Variants in CDH13 observed in about 807,000 individuals in gnomAD.
CDH13 encodes the protein cadherin-13.
In CDH13, 24 loss-of-function variants were observed where a neutral mutation model predicts 63.8. The observed-to-expected ratio is 0.38, with a 90% CI of 0.27 to 0.53. CDH13 has a LOEUF of 0.53. Among genes scored for constraint, CDH13 ranks in the 20% least tolerant of loss-of-function variants. The pLI is 0.85. For synonymous variants in CDH13, 503 were observed against 355.3 expected (o/e 1.42, Z -4.67); for missense variants, 1,049 against 903.1 (o/e 1.16, Z -2.07).
chr16:82,787,923 A>C (rs75075082), intron 1 of CDH13, among the ~76,000 whole-genome samples: 7,849 of 146,590 alleles, frequency 0.054, 258 homozygotes, highest in Middle Eastern at 0.11. Context: ...AGGCTGACTC[A>C]CAACTCCTGG....
intron 7 of CDH13, among the ~76,000 whole-genome samples, chr16:83,515,776 AGCAAAGC>A (rs1301938250): frequency 2.6e-5 from 4 of 152,238 alleles, no homozygotes; most frequent in African/African-American, 9.6e-5. Flanking sequence ...AAACACACCA[AGCAAAGC>A]GTTCATTTTG....
chr16:83,613,974 C>T (rs191071261), intron 8 of CDH13, among the ~76,000 whole-genome samples: 82 of 152,110 alleles, frequency 5.4e-4, no homozygotes, highest in African/African-American at 1.7e-3. Flanking sequence ...AAATTATTTA[C>T]AATTCAATGT....
intron 7 of CDH13, among the ~76,000 whole-genome samples, chr16:83,595,556 A>G (rs1296257795): frequency 6.6e-6 from 1 of 152,230 alleles, no homozygotes; most frequent in African/African-American, 2.4e-5. Flanking sequence ...TCTTGCTCAC[A>G]TCACAGTCTA....
chr16:82,902,295 G>C (rs1173860648), intron 2 of CDH13, among the ~76,000 whole-genome samples: 1 of 151,888 alleles, frequency 6.6e-6, no homozygotes, highest in Non-Finnish European at 1.5e-5. Context: ...AAAACTACTG[G>C]GGAGAAAGCT....
At chr16:83,277,664 C>G (rs1559440) in intron 5 of CDH13, among the ~76,000 whole-genome samples, 146,298 of 152,284 alleles carry the variant, frequency 0.96, 70,523 homozygotes, top group East Asian at 1. Context: ...GAACCAGACT[C>G]AAAGTAGCAG....
At chr16:83,681,236 A>C (rs1915379728) in intron 10 of CDH13, among the ~76,000 whole-genome samples, 1 of 152,130 alleles carries the variant, frequency 6.6e-6, no homozygotes, top group South Asian at 2.1e-4. Flanking sequence ...AATGCTGTGT[A>C]ATCAGGAACC....
chr16:83,153,089 C>T (rs926200671), intron 4 of CDH13, among the ~76,000 whole-genome samples: 1 of 152,178 alleles, frequency 6.6e-6, no homozygotes, highest in South Asian at 2.1e-4. Context: ...AAAAGTAATT[C>T]ATGCAGAGCC....
intron 5 of CDH13, among the ~76,000 whole-genome samples, chr16:83,235,575 T>G (rs1448426180): frequency 1.3e-5 from 1 of 78,470 alleles, no homozygotes; most frequent in East Asian, 3.8e-4. Flanking sequence ...TTATTCTATG[T>G]GGTGGTGTTT....
chr16:83,730,339 A>G (rs1208539761), intron 10 of CDH13, among the ~76,000 whole-genome samples: 1 of 152,224 alleles, frequency 6.6e-6, no homozygotes, highest in Non-Finnish European at 1.5e-5. Context: ...TTAACCTGGC[A>G]TTCCCCAGTT....
intron 1 of CDH13, among the ~76,000 whole-genome samples, chr16:82,645,989 T>G (rs1027623367): frequency 6.6e-6 from 1 of 152,192 alleles, no homozygotes; most frequent in Non-Finnish European, 1.5e-5. Context: ...TAAAAAGTAT[T>G]TGCATCTCTA....
At chr16:83,364,296 A>G (rs1159389794) in intron 6 of CDH13, among the ~76,000 whole-genome samples, 1 of 152,138 alleles carries the variant, frequency 6.6e-6, no homozygotes, top group Non-Finnish European at 1.5e-5. Flanking sequence ...TTGGGTTTCC[A>G]GGTAGTCTCT....
At position 83,565,383 on chromosome 16, in the gene CDH13, C is replaced by CTTTTTTTTT. The variant is rs369127310; in HGVS notation, c.961-37064_961-37056dup. On this transcript the variant is annotated intron_variant, in intron 7 of 13. Transcript: ENST00000567109. ...GGATTTCCGTTCCTCTTCCACTGTT[C>CTTTTTTTTT]TTTTTTTTTTTTTTTCTTAGTTGCA... Among the ~76,000 whole-genome samples the CTTTTTTTTT allele has an allele frequency of 1.4e-4, 18 of 130,596 alleles. 1 individual carries two copies. The highest frequency in any genetic ancestry group is 1.9e-4 in the Non-Finnish European group (12 of 63,882). 85.7% of individuals were successfully genotyped at this position (130,596 alleles called of 152,430 possible).
chr16:82,713,189 G>C (rs1049104758), intron 1 of CDH13, among the ~76,000 whole-genome samples: 1 of 152,076 alleles, frequency 6.6e-6, no homozygotes, highest in African/African-American at 2.4e-5. Flanking sequence ...AGAATCTTTT[G>C]GATGCTGAAT....
chr16:83,390,402 G>A lies in CDH13; in HGVS notation c.781+45396G>A, dbSNP rs1488375287. Among the ~76,000 whole-genome samples the A allele has an allele frequency of 3.9e-5, 6 of 152,012 alleles. No individual in the cohort carries two copies. In the East Asian group the frequency reaches 1.2e-3, roughly 29 times the overall value. On this transcript the variant is annotated intron_variant, in intron 6 of 13. Coordinates refer to ENST00000567109, the MANE Select transcript of CDH13 (RefSeq NM_001257.5). ...TGTATGGTTAAGTCCCGGGGCCCTG[G>A]AGCAGTAGATCTTAACCTTATTGGA...
chr16:82,903,697 C>T (rs2041546248), intron 2 of CDH13, among the ~76,000 whole-genome samples: 1 of 152,058 alleles, frequency 6.6e-6, no homozygotes, highest in African/African-American at 2.4e-5. Flanking sequence ...CCTTAGGGGG[C>T]TGTGCATATA....
rs539175762 is a variant in CDH13 at position 82,690,987 on chromosome 16, A to G, written c.45+63850A>G. Among the ~76,000 whole-genome samples the G allele has an allele frequency of 1.1e-3, 171 of 152,352 alleles. 3 individuals are homozygous for G. In the South Asian group the frequency reaches 0.034, roughly 30 times the overall value. On this transcript the variant is annotated intron_variant, in intron 1 of 13. Transcript: ENST00000567109. ...TTGAGAGGAAAGCCAGCCAATGTCT[A>G]TAAAGACACATAGGAAATGGGAGAA...
chr16:83,631,029 C>T lies in CDH13; in HGVS notation c.1101+28435C>T, dbSNP rs563381298. The stretch of plus-strand genomic sequence containing the variant: ...GGCCATTGTGATGAAGATGGCATCC[C>T]GGAGATACATCTCTGCCGCAGAACA... On this transcript the variant is annotated intron_variant, in intron 8 of 13. Coordinates refer to ENST00000567109, the MANE Select transcript of CDH13 (RefSeq NM_001257.5). 3.9e-5 allele frequency among the ~76,000 whole-genome samples: 6 copies of T among 152,242 alleles called. No homozygotes were observed. The East Asian group carries it at 5.8e-4, about 15-fold the overall frequency.
intron 6 of CDH13, among the ~76,000 whole-genome samples, chr16:83,379,938 T>TATATATATATATATATAGAG: frequency 1.6e-4 from 20 of 123,458 alleles, no homozygotes; most frequent in African/African-American, 3.6e-4. Flanking sequence ...TATATATATA[T>TATATATATATATATATAGAG]AGAGAGAGAG....
At chr16:82,686,279 A>G (rs928097572) in intron 1 of CDH13, among the ~76,000 whole-genome samples, 2 of 152,238 alleles carry the variant, frequency 1.3e-5, no homozygotes, top group African/African-American at 2.4e-5. Context: ...ACAGGAAGTC[A>G]CCTTAGCAGT....
Sources: allele counts gnomAD v4.1 joint callset (sites outside exome capture counted in the v4.1 genomes callset), GRCh38; gene constraint gnomAD v4.1.1; transcripts MANE v1.5; gene names NCBI Gene and HGNC (gene_info 2026-07-23, HGNC 2026-07-21).